PITPNM3: variants seen among roughly 807,000 people sequenced by gnomAD.
The protein encoded by PITPNM3 is membrane-associated phosphatidylinositol transfer protein 3.
A neutral mutation model predicts 102.0 loss-of-function variants in PITPNM3; 26 were observed. The ratio of observed to expected loss-of-function variants is 0.25; its 90% confidence interval spans 0.19 to 0.35. The LOEUF is 0.35. PITPNM3 is among the 10% of genes least tolerant of loss of function. The probability of loss-of-function intolerance (pLI) is 1.00; values close to 1 mark genes in which losing one functional copy is unlikely to be tolerated. For synonymous variants in PITPNM3, 578 were observed against 558.6 expected, an observed-to-expected ratio of 1.03 and a Z score of -0.49; for missense variants, 1,083 against 1,346.1, an observed-to-expected ratio of 0.80 and a Z score of 3.06.
intron 4 of PITPNM3, among the ~76,000 whole-genome samples, chr17:6,495,348 G>T (rs1232811576): frequency 6.6e-6 from 1 of 152,088 alleles, no homozygotes; most frequent in Non-Finnish European, 1.5e-5. Context: ...GAAGGTTTGT[G>T]GCAGAGCTTC....
At chr17:6,516,494 G>C (rs1286151997) in intron 3 of PITPNM3, among the ~76,000 whole-genome samples, 1 of 151,164 alleles carries the variant, frequency 6.6e-6, no homozygotes, top group African/African-American at 2.4e-5. Context: ...AACCCAGGAG[G>C]CGGAGCTTGC....
chr17:6,465,726 A>G (rs995674378), intron 14 of PITPNM3, among the ~76,000 whole-genome samples: 5 of 150,848 alleles, frequency 3.3e-5, no homozygotes, highest in African/African-American at 1.2e-4. Context: ...CAACCTCCCT[A>G]TTTTTCTTCA....
intron 1 of PITPNM3, among the ~76,000 whole-genome samples, chr17:6,544,047 A>C (rs903760584): frequency 3.3e-5 from 5 of 152,204 alleles, no homozygotes; most frequent in African/African-American, 1.2e-4. Context: ...TAACACGTGC[A>C]ATTTCCAGAC....
At chr17:6,484,002 C>G (rs1031133691) in intron 5 of PITPNM3, among the ~76,000 whole-genome samples, 5 of 152,288 alleles carry the variant, frequency 3.3e-5, no homozygotes, top group African/African-American at 9.6e-5. Context: ...AGGACATGGG[C>G]TGCCAGGAGG....
Position 6,482,058 on chromosome 17 carries a change from CTCTCTCTG to C in PITPNM3, c.587+1451_587+1458del, listed in dbSNP as rs1354364959. ...TCTGTCTGTCTCTCTCTCTCTCTCT[CTCTCTCTG>C]TCTCTCTCTCTCTCTCTCTCTGACA... On this transcript the variant is annotated intron_variant, in intron 6 of 19. Coordinates refer to ENST00000262483, the MANE Select transcript of PITPNM3 (RefSeq NM_031220.4). 3.9e-4 allele frequency among the ~76,000 whole-genome samples: 44 copies of C among 112,008 alleles called. 4 individuals are homozygous for C. Among genetic ancestry groups the C allele is most frequent in the African/African-American group, 7.4e-4 (27 of 36,258 alleles). The allele number at this position is 112,008 out of a possible 152,430, so 73.5% of individuals were successfully genotyped here.
intron 1 of PITPNM3, among the ~76,000 whole-genome samples, chr17:6,552,710 G>T (rs1420030020): frequency 6.1e-5 from 9 of 146,410 alleles, no homozygotes; most frequent in African/African-American, 2.3e-4. Flanking sequence ...CCTAGCCTTT[G>T]TTCAAGCCAC....
intron 3 of PITPNM3, among the ~76,000 whole-genome samples, chr17:6,514,768 T>C (rs575971520): frequency 1.1e-4 from 17 of 152,322 alleles, no homozygotes; most frequent in East Asian, 3.9e-4. Context: ...AGCAAGATAA[T>C]TGAAAACATA....
intron 9 of PITPNM3, 82 bp downstream of exon 9, chr17:6,476,947 G>A: frequency 2.0e-5 from 30 of 1,511,414 alleles, no homozygotes; most frequent in Non-Finnish European, 2.6e-5. Flanking sequence ...CCCATGGAAG[G>A]GCCTGGGACA....
chr17:6,488,971 C>CA (rs1350304280), intron 4 of PITPNM3, among the ~76,000 whole-genome samples: 1 of 152,174 alleles, frequency 6.6e-6, no homozygotes, highest in Non-Finnish European at 1.5e-5. Flanking sequence ...ACCGCAGTGC[C>CA]AGCTCCCAGT....
intron 10 of PITPNM3, chr17:6,473,138 C>G: frequency 2.4e-6 from 1 of 421,360 alleles, no homozygotes; most frequent in Admixed American, 3.5e-5. Flanking sequence ...CCCATTTCCA[C>G]GGGGCAACTC....
chr17:6,474,351 C>T, intron 10 of PITPNM3, 81 bp downstream of exon 10: 2 of 1,532,480 alleles, frequency 1.3e-6, no homozygotes, highest in South Asian at 2.3e-5. Flanking sequence ...TCCCCGACTT[C>T]ACTCTCCTCA....
chr17:6,536,085 GAA>G (rs535769421), intron 2 of PITPNM3, among the ~76,000 whole-genome samples: 3 of 133,678 alleles, frequency 2.2e-5, no homozygotes, highest in African/African-American at 8.3e-5. Flanking sequence ...GAAAAAAAAA[GAA>G]AAAAAAAAAA....
chr17:6,514,992 C>T (rs1908073995), intron 3 of PITPNM3, among the ~76,000 whole-genome samples: 1 of 152,140 alleles, frequency 6.6e-6, no homozygotes, highest in African/African-American at 2.4e-5. Flanking sequence ...AGTAGTCACA[C>T]ACAAAAGGCT....
rs1914162835 is a variant in PITPNM3 at position 6,457,490 on chromosome 17, G to A, written c.2619+104C>T. ...GTTGAATAAATGAATGAGCAAATGG[G>A]GGAATGAACAAATGAATGAATGAAT... is the stretch of plus-strand genomic sequence containing the variant. On this transcript the variant is annotated intron_variant, in intron 19 of 19. Transcript: ENST00000262483. This position sits in a 1 kb window ranked among gnomAD's most constrained non-coding sequence, Gnocchi z 4.7. 5 of 1,551,510 alleles carry A rather than the reference G, an allele frequency of 3.2e-6. No homozygotes were observed. The highest frequency in any genetic ancestry group is 3.5e-6 in the Non-Finnish European group (4 of 1,138,140).
intron 3 of PITPNM3, among the ~76,000 whole-genome samples, chr17:6,522,738 A>C (rs1444820273): frequency 6.6e-6 from 1 of 152,116 alleles, no homozygotes; most frequent in Non-Finnish European, 1.5e-5. Flanking sequence ...TTTCCATTGC[A>C]TTCCTTTCCA....
At position 6,556,463 on chromosome 17, in the gene PITPNM3, G is replaced by A. The variant is rs1910620354; in HGVS notation, c.-57C>T. On this transcript the variant is annotated 5_prime_UTR_variant, in exon 1 of 20. Coordinates refer to ENST00000262483, the MANE Select transcript of PITPNM3 (RefSeq NM_031220.4). The surrounding 1 kb of genome is among the most constrained non-coding windows in gnomAD (Gnocchi z 5.2). ...CGCGCTCCTCGCGCTTCCCGGGCCC[G>A]GCCCCGACCGCCTCCGGCCCCGAAC... is the stretch of plus-strand genomic sequence containing the variant. The A allele has an allele frequency of 8.8e-6, 10 of 1,131,474 alleles. No individual in the cohort carries two copies. Among genetic ancestry groups the A allele is most frequent in the East Asian group, 4.6e-5 (1 of 21,676 alleles). The allele number at this position is 1,131,474 out of a possible 1,614,324, so 70.1% of individuals were successfully genotyped here. A position where few individuals can be genotyped will look rare whatever the true frequency, so the allele number is the denominator to read the frequency against.
chr17:6,463,287 A>T (rs928153397), intron 17 of PITPNM3, among the ~76,000 whole-genome samples: 3 of 152,050 alleles, frequency 2.0e-5, no homozygotes, highest in Non-Finnish European at 4.4e-5. Flanking sequence ...ACAGTTTCTC[A>T]TGCCTGTGAC....
chr17:6,468,193 C>A lies in PITPNM3; in HGVS notation c.1890+32G>T. 1 of 1,603,688 alleles carries A rather than the reference C, an allele frequency of 6.2e-7. No homozygotes were observed. Among genetic ancestry groups the A allele is most frequent in the African/African-American group, 1.3e-5 (1 of 74,836 alleles). On this transcript the variant is annotated intron_variant, in intron 14 of 19. Transcript: ENST00000262483. This position sits in a 1 kb window ranked among gnomAD's most constrained non-coding sequence, Gnocchi z 5.2. The stretch of plus-strand genomic sequence containing the variant: ...AGCCCCACCTCCCGGAGGACACAGT[C>A]CCAGCCACATGCGAACTGAGCATGC...
rs1913932116 is a variant in PITPNM3, at chr17:6,453,084, T to C, written c.*2254A>G. 1 of 150,190 alleles carries C rather than the reference T, an allele frequency of 6.7e-6. No individual in the cohort carries two copies. 9.3% of individuals were successfully genotyped at this position (150,190 alleles called of 1,614,324 possible). On this transcript the variant is annotated 3_prime_UTR_variant, in exon 20 of 20. Coordinates refer to ENST00000262483, the MANE Select transcript of PITPNM3 (RefSeq NM_031220.4). ...CCTTCCTCTCTCTGTCTTCCTTTCTTTCCTCTGTCTTCCTTTCTTTCTCTC... is the reference window on the plus strand; with the variant it reads ...CCTTCCTCTCTCTGTCTTCCTTTCTCTCCTCTGTCTTCCTTTCTTTCTCTC...
Sources: allele counts gnomAD v4.1 joint callset (sites outside exome capture counted in the v4.1 genomes callset), GRCh38; gene constraint gnomAD v4.1.1; non-coding constraint Gnocchi (gnomAD v3.1); transcripts MANE v1.5; gene names NCBI Gene and HGNC (gene_info 2026-07-23, HGNC 2026-07-21).